The following RTP5 variants were observed in gnomAD, a reference collection of about 807,000 sequenced individuals.
RTP5 encodes receptor transporter protein 5 (putative).
RTP5 carries 30 observed loss-of-function variants against 23.5 expected under a neutral mutation model. The observed-to-expected ratio is 1.27, with a 90% confidence interval of 0.95 to 1.73. The LOEUF is 1.73. RTP5 is among the 40% of genes most tolerant of loss of function. The pLI is 0.00. For synonymous variants in RTP5, 354 were observed against 342.1 expected (o/e 1.03, Z -0.38); for missense variants, 807 against 784.2 (o/e 1.03, Z -0.35).
In RTP5 at chr2:241,872,974, C is replaced by T; in HGVS notation, c.1419C>T (p.Thr473=). The change falls in exon 2 of 2, where the codon ACC becomes ACT. Residue 473 remains threonine, a synonymous_variant. Coordinates refer to ENST00000343216, the MANE Select transcript of RTP5 (RefSeq NM_173821.3). ...GPITVSEGCI[T]IPFAVFDVIK... ...TCACGGTTAGTGAGGGCTGCATCAC[C>T]ATCCCCTTCGCAGTCTTCGATGTCA... 1 of 1,613,168 alleles carries T rather than the reference C, an allele frequency of 6.2e-7. No homozygotes were observed. The highest frequency in any genetic ancestry group is 8.5e-7 in the Non-Finnish European group (1 of 1,180,014).
chr2:241,871,970 G>A lies in RTP5; in HGVS notation c.415G>A (p.Ala139Thr). ...CGGCCCAGCCCGGCACCCCAGGGAG[G>A]CCTATGAGGGCTGCTGTGAGGCCTG... ...GPGPARHPRE[A>T]YEGCCEACEL... Residue 139 changes from alanine (A) to threonine (T), a missense_variant, in exon 2 of 2, where the codon GCC becomes ACC. Coordinates refer to ENST00000343216, the MANE Select transcript of RTP5 (RefSeq NM_173821.3). 1 of 1,590,898 alleles carries A rather than the reference G, an allele frequency of 6.3e-7. No individual in the cohort carries two copies. The highest frequency in any genetic ancestry group is 8.6e-7 in the Non-Finnish European group (1 of 1,168,400).
Position 241,872,196 on chromosome 2 carries a change from ACCAGGTGC to A in RTP5, c.645_652del (p.Gln215HisfsTer3). On this transcript the variant is annotated frameshift_variant, in exon 2 of 2. Transcript: ENST00000343216. LOFTEE classifies it high-confidence loss of function. ...TTCTCCCTTGTGGGTACCAGCAATG[ACCAGGTGC>A]CCATCGCTGAGGGCCCTGCCCCCCC... 6 of 1,612,030 alleles carry A rather than the reference ACCAGGTGC, an allele frequency of 3.7e-6. No individual in the cohort carries two copies. Among genetic ancestry groups the A allele is most frequent in the Non-Finnish European group, 5.1e-6 (6 of 1,179,292 alleles).
rs1215825602 is a variant in RTP5 at position 241,872,357 on chromosome 2, C to A, written c.802C>A (p.Pro268Thr). The change falls in exon 2 of 2, where the codon CCC (proline) becomes ACC (threonine). Residue 268 changes from proline to threonine, a missense_variant. Pro to Thr is a conservative substitution (Grantham distance 38, BLOSUM62 -1). Transcript: ENST00000343216. ...AGGCTTCCCGGTGGCCATTGGAGAC[C>A]CCCTCTTCCACGGCCCCGGCCTCCT... Reference protein sequence around the residue: ...GKGFPVAIGDPLFHGPGLLGS... With the variant: ...GKGFPVAIGDTLFHGPGLLGS... 3 of 1,610,854 alleles carry A rather than the reference C, an allele frequency of 1.9e-6. No individual in the cohort carries two copies. Among genetic ancestry groups the A allele is most frequent in the Admixed American group, 3.4e-5 (2 of 59,626 alleles).
intron 1 of RTP5, chr2:241,871,050 G>A (rs28512331): frequency 0.15 from 70,171 of 470,618 alleles, 8,255 homozygotes; most frequent in East Asian, 0.62. Flanking sequence ...TCTGATGACC[G>A]CCATGGACAA....
At position 241,872,790 on chromosome 2, in the gene RTP5, G is replaced by T. The variant is rs1701351875; in HGVS notation, c.1235G>T (p.Gly412Val). The change falls in exon 2 of 2, where the codon GGC (glycine) becomes GTC (valine). Residue 412 changes from glycine to valine, a missense_variant. Transcript: ENST00000343216. ...GCCCTGCCAGAGACCAATGCTGGTG[G>T]CCTCCCCTCCCAGGTCAAGGGCTCC... ...HDALPETNAG[G>V]LPSQVKGSLA... 1.9e-6 allele frequency: 3 copies of T among 1,606,934 alleles called. No individual in the cohort carries two copies. In the East Asian group the frequency reaches 6.7e-5, roughly 36 times the overall value.
In RTP5 at chr2:241,872,291, A is replaced by G. The variant is rs1186701517; in HGVS notation, c.736A>G (p.Ile246Val). 1.3e-6 allele frequency: 2 copies of G among 1,599,870 alleles called. No individual in the cohort carries two copies. Among genetic ancestry groups the G allele is most frequent in the Non-Finnish European group, 1.7e-6 (2 of 1,172,032 alleles). Residue 246 changes from isoleucine (I) to valine (V), a missense_variant, in exon 2 of 2, where the codon ATC becomes GTC. Coordinates refer to ENST00000343216, the MANE Select transcript of RTP5 (RefSeq NM_173821.3). ...CEALVIGQGS[I>V]FLSGDSVAMP... is the part of the protein sequence containing the mutation. ...GGCCCTGGTCATCGGCCAGGGCTCC[A>G]TCTTCCTGTCTGGGGATTCAGTGGC...
intron 1 of RTP5, 90 bp downstream of exon 1, chr2:241,870,004 G>T (rs1338843741): frequency 2.3e-6 from 3 of 1,284,088 alleles, no homozygotes; most frequent in South Asian, 3.6e-5. Flanking sequence ...GCTGGGTGGG[G>T]CTGTTGGGCC....
At position 241,873,334 on chromosome 2, in the gene RTP5, C is replaced by T; in HGVS notation, c.*60C>T. ...CCCCGCCTCGCCTCTGAGACACCCC[C>T]CAACCCCGCCTTTGAGATGCCCGCC... On this transcript the variant is annotated 3_prime_UTR_variant, in exon 2 of 2. Transcript: ENST00000343216. The T allele has an allele frequency of 2.0e-6, 3 of 1,506,218 alleles. No individual in the cohort carries two copies. The highest frequency in any genetic ancestry group is 1.3e-5 in the South Asian group (1 of 77,226). The allele number at this position is 1,506,218 out of a possible 1,614,324, so 93.3% of individuals were successfully genotyped here. A position where few individuals can be genotyped will look rare whatever the true frequency, so the allele number is the denominator to read the frequency against.
In RTP5 at chr2:241,873,383, C is replaced by A; in HGVS notation, c.*109C>A. 1 of 1,233,652 alleles carries A rather than the reference C, an allele frequency of 8.1e-7. No homozygotes were observed. The highest frequency in any genetic ancestry group is 1.1e-6 in the Non-Finnish European group (1 of 912,028). 76.4% of individuals were successfully genotyped at this position (1,233,652 alleles called of 1,614,324 possible). ...CCCCGCCTCCGAGACCCCGCCTCCA[C>A]CTCCGAGACCCCTTTCTCTGAGACC... On this transcript the variant is annotated 3_prime_UTR_variant, in exon 2 of 2. Transcript: ENST00000343216.
chr2:241,870,561 C>T (rs1379069722), intron 1 of RTP5, among the ~76,000 whole-genome samples: 3 of 152,246 alleles, frequency 2.0e-5, no homozygotes, highest in Non-Finnish European at 4.4e-5. Context: ...TGGAGACACC[C>T]TGGGCAAAGG....
At position 241,869,737 on chromosome 2, in the gene RTP5, C is replaced by A; in HGVS notation, c.-20C>A. 2 of 1,501,548 alleles carry A rather than the reference C, an allele frequency of 1.3e-6. No individual in the cohort carries two copies. The highest frequency in any genetic ancestry group is 1.2e-5 in the South Asian group (1 of 80,200). The allele number at this position is 1,501,548 out of a possible 1,614,324, so 93.0% of individuals were successfully genotyped here. On this transcript the variant is annotated 5_prime_UTR_variant, in exon 1 of 2. In the 5' UTR this introduces an upstream ATG that the reference lacks. Coordinates refer to ENST00000343216, the MANE Select transcript of RTP5 (RefSeq NM_173821.3). ...CGGCGGGCGCAGCCCTCAGCCCACA[C>A]TGCGGAGCCAGGCGGCAGCATGGAC...
rs1262433796 is a variant in RTP5, at chr2:241,872,041, G to T, written c.486G>T (p.Trp162Cys). 1.9e-6 allele frequency: 3 copies of T among 1,564,316 alleles called. No homozygotes were observed. The highest frequency in any genetic ancestry group is 1.2e-5 in the South Asian group (1 of 86,616). ...TCCAGAAGGCCCCAGACCCCGCCTG[G>T]AGCGCCAACGCCACAAAAGGCAACT... is the stretch of plus-strand genomic sequence containing the variant. ...CFLQKAPDPA[W>C]SANATKGNFP... Residue 162 changes from tryptophan to cysteine, a missense_variant, in exon 2 of 2, where the codon TGG becomes TGT. Coordinates refer to ENST00000343216, the MANE Select transcript of RTP5 (RefSeq NM_173821.3).
intron 1 of RTP5, chr2:241,871,010 C>G (rs1183855507): frequency 2.1e-6 from 1 of 471,136 alleles, no homozygotes; most frequent in Admixed American, 2.3e-5. Flanking sequence ...AAGCTCACAG[C>G]TGCTTGTGTG....
intron 1 of RTP5, among the ~76,000 whole-genome samples, chr2:241,871,400 G>T (rs1439489834): frequency 3.3e-5 from 5 of 152,258 alleles, no homozygotes; most frequent in Admixed American, 2.0e-4. Context: ...ACTGCTGAGA[G>T]GAGGTTTGCT....
chr2:241,873,463 C>CCCGCCTCACCTCTGAGACA lies in RTP5; in HGVS notation c.*192_*210dup, dbSNP rs1701374669. On this transcript the variant is annotated 3_prime_UTR_variant, in exon 2 of 2. Transcript: ENST00000343216. Reference sequence around the variant, plus strand: ...CGAGACCCCGCCCTGCCTCTGAGACCCCGCCTCACCTCTGAGACACCCCCC... The same window carrying CCCGCCTCACCTCTGAGACA: ...CGAGACCCCGCCCTGCCTCTGAGACCCCGCCTCACCTCTGAGACACCGCCTCACCTCTGAGACACCCCCC... 2 of 536,656 alleles carry CCCGCCTCACCTCTGAGACA rather than the reference C, an allele frequency of 3.7e-6. No individual in the cohort carries two copies. Among genetic ancestry groups the CCCGCCTCACCTCTGAGACA allele is most frequent in the Non-Finnish European group, 6.2e-6 (2 of 321,596 alleles). The allele number at this position is 536,656 out of a possible 1,614,324, so 33.2% of individuals were successfully genotyped here. A position where few individuals can be genotyped will look rare whatever the true frequency, so the allele number is the denominator to read the frequency against.
chr2:241,873,443 C>T lies in RTP5; in HGVS notation c.*169C>T, dbSNP rs1452886066. 9 of 533,922 alleles carry T rather than the reference C, an allele frequency of 1.7e-5. No individual in the cohort carries two copies. The highest frequency in any genetic ancestry group is 9.0e-5 in the Admixed American group (2 of 22,244). The allele number at this position is 533,922 out of a possible 1,614,324, so 33.1% of individuals were successfully genotyped here. On this transcript the variant is annotated 3_prime_UTR_variant, in exon 2 of 2. Transcript: ENST00000343216. ...GAGGCCCCGCCCCCCGCCTCCGAGA[C>T]CCCGCCCTGCCTCTGAGACCCCGCC...
chr2:241,872,614 C>T lies in RTP5; in HGVS notation c.1059C>T (p.Leu353=), dbSNP rs200108650. Reference sequence around the variant, plus strand: ...TCACCAGCATCTTCACCAACACCCTCTCGGAGCCCACCGATGGCCCTGTGG... The same window carrying T: ...TCACCAGCATCTTCACCAACACCCTTTCGGAGCCCACCGATGGCCCTGTGG... The part of the protein sequence containing the change: ...SSLTSIFTNT[L]SEPTDGPVAT... The change falls in exon 2 of 2, where the codon CTC becomes CTT. Residue 353 remains leucine (L), a synonymous_variant. Transcript: ENST00000343216. The T allele has an allele frequency of 2.8e-4, 435 of 1,545,950 alleles. 2 individuals are homozygous for T. In the African/African-American group the frequency reaches 5.5e-3, roughly 20 times the overall value.
chr2:241,869,791 C>A lies in RTP5; in HGVS notation c.35C>A (p.Thr12Asn). The change falls in exon 1 of 2, where the codon ACC (threonine) becomes AAC (asparagine). Residue 12 changes from threonine (T) to asparagine (N), a missense_variant. By Grantham distance (65) the Thr-to-Asn change is moderately conservative (BLOSUM62 0). Coordinates refer to ENST00000343216, the MANE Select transcript of RTP5 (RefSeq NM_173821.3). ...DRAGADMWAS[T>N]FTLAMAERKP... ...GCTGGGGCAGACATGTGGGCCAGCA[C>A]CTTCACCCTGGCCATGGCCGAGAGG... 1 of 1,543,428 alleles carries A rather than the reference C, an allele frequency of 6.5e-7. No individual in the cohort carries two copies. Among genetic ancestry groups the A allele is most frequent in the Non-Finnish European group, 8.7e-7 (1 of 1,145,990 alleles).
At chr2:241,870,073 C>T (rs1043976160) in intron 1 of RTP5, among the ~76,000 whole-genome samples, 159 bp downstream of exon 1, 1 of 152,208 alleles carries the variant, frequency 6.6e-6, no homozygotes, top group African/African-American at 2.4e-5. Flanking sequence ...GCCGGAGCCC[C>T]TGCCTCGCCA....
Sources: allele counts gnomAD v4.1 joint callset (sites outside exome capture counted in the v4.1 genomes callset), GRCh38; gene constraint gnomAD v4.1.1; transcripts MANE v1.5; gene names NCBI Gene and HGNC (gene_info 2026-07-23, HGNC 2026-07-21).